MAML3: variants seen among roughly 807,000 people sequenced by gnomAD.
The protein encoded by MAML3 is mastermind like transcriptional coactivator 3, also known as mastermind-like protein 3.
In MAML3, 27 loss-of-function variants were observed where a neutral mutation model predicts 101.9. The observed-to-expected ratio is 0.27, with a 90% confidence interval of 0.20 to 0.37. The LOEUF (loss-of-function observed/expected upper bound fraction) is 0.37. MAML3 is among the 10% of genes least tolerant of loss of function. The pLI is 1.00. For synonymous variants in MAML3, 501 were observed against 555.9 expected, an observed-to-expected ratio of 0.90 and a Z score of 1.39; for missense variants, 1,316 against 1,444.9, an observed-to-expected ratio of 0.91 and a Z score of 1.45.
At chr4:139,964,143 G>A (rs1003502891) in intron 1 of MAML3, among the ~76,000 whole-genome samples, 16 of 152,268 alleles carry the variant, frequency 1.1e-4, no homozygotes, top group South Asian at 4.1e-4. Flanking sequence ...AGACACATAC[G>A]TTTATTGCAG....
At chr4:140,074,237 G>GAAAGAAAGAAAGAA (rs1553973057) in intron 1 of MAML3, among the ~76,000 whole-genome samples, 39 of 130,092 alleles carry the variant, frequency 3.0e-4, no homozygotes, top group African/African-American at 9.9e-4. Context: ...AAGAAAGAAA[G>GAAAGAAAGAAAGAA]AAAGAAAGAA....
chr4:140,006,849 C>T (rs531064170), intron 1 of MAML3, among the ~76,000 whole-genome samples: 34 of 152,168 alleles, frequency 2.2e-4, no homozygotes, highest in Middle Eastern at 3.4e-3. Context: ...AGAGCTTACC[C>T]GCTGCCAGGC....
intron 1 of MAML3, among the ~76,000 whole-genome samples, chr4:140,111,072 A>T (rs755416649): frequency 6.6e-6 from 1 of 152,250 alleles, no homozygotes; most frequent in African/African-American, 2.4e-5. Context: ...ACATTTAACC[A>T]GCTGTCAGCA....
chr4:140,116,628 C>A (rs1728523332), intron 1 of MAML3, among the ~76,000 whole-genome samples: 1 of 152,252 alleles, frequency 6.6e-6, no homozygotes, highest in Admixed American at 6.5e-5. Flanking sequence ...GCCATTCCCT[C>A]CATCCTCCAC....
intron 1 of MAML3, among the ~76,000 whole-genome samples, chr4:140,065,458 G>A (rs1727519748): frequency 6.6e-6 from 1 of 152,146 alleles, no homozygotes; most frequent in Admixed American, 6.5e-5. Flanking sequence ...TGGAAACCAG[G>A]AGCAGCCTTT....
chr4:139,814,146 T>C (rs1730854891), intron 2 of MAML3, among the ~76,000 whole-genome samples: 1 of 151,972 alleles, frequency 6.6e-6, no homozygotes. Context: ...AAGAGAACTG[T>C]GGGTAGGTCT....
chr4:139,745,576 T>C (rs1468577887), intron 2 of MAML3, among the ~76,000 whole-genome samples: 1 of 152,154 alleles, frequency 6.6e-6, no homozygotes, highest in Admixed American at 6.5e-5. Flanking sequence ...CTGGGGTCAT[T>C]TTCCGGTCTG....
At chr4:139,741,229 T>A (rs73854339) in intron 2 of MAML3, among the ~76,000 whole-genome samples, 38,461 of 151,976 alleles carry the variant, frequency 0.25, 5,904 homozygotes, top group African/African-American at 0.44. Context: ...ATGTAAAGAT[T>A]GTGGCTGACG....
chr4:139,876,634 T>C (rs910294345), intron 2 of MAML3, among the ~76,000 whole-genome samples: 1 of 152,246 alleles, frequency 6.6e-6, no homozygotes, highest in South Asian at 2.1e-4. Flanking sequence ...CTCATTCTTA[T>C]TGCACTGATC....
At chr4:139,965,511 T>C (rs1183649948) in intron 1 of MAML3, among the ~76,000 whole-genome samples, 1 of 152,218 alleles carries the variant, frequency 6.6e-6, no homozygotes, top group African/African-American at 2.4e-5. Context: ...TCCTCTCCTA[T>C]ATCTGAACTG....
intron 1 of MAML3, among the ~76,000 whole-genome samples, chr4:139,994,259 G>A (rs1036432973): frequency 1.3e-5 from 2 of 152,166 alleles, no homozygotes; most frequent in African/African-American, 4.8e-5. Context: ...ACAGTTTTCA[G>A]TGTATAAGTC....
At chr4:140,009,236 C>T (rs1231740573) in intron 1 of MAML3, among the ~76,000 whole-genome samples, 1 of 152,162 alleles carries the variant, frequency 6.6e-6, no homozygotes, top group Non-Finnish European at 1.5e-5. Context: ...TGGGAATTGC[C>T]AGGAAGGCAG....
intron 1 of MAML3, among the ~76,000 whole-genome samples, chr4:140,045,857 T>C (rs1261774459): frequency 6.6e-6 from 1 of 152,170 alleles, no homozygotes; most frequent in Non-Finnish European, 1.5e-5. Context: ...GTTCTCCATT[T>C]TATACTTAGA....
chr4:140,040,137 G>A (rs942568526), intron 1 of MAML3, among the ~76,000 whole-genome samples: 3 of 152,106 alleles, frequency 2.0e-5, no homozygotes, highest in Admixed American at 1.3e-4. Flanking sequence ...ACTTATATCT[G>A]GTCTCAGAGA....
chr4:140,101,668 C>T (rs752103066), intron 1 of MAML3, among the ~76,000 whole-genome samples: 7 of 152,032 alleles, frequency 4.6e-5, no homozygotes, highest in Non-Finnish European at 5.9e-5. Flanking sequence ...ATACGTGATA[C>T]CTCTTAGATC....
At chr4:140,078,774 C>T (rs1727818433) in intron 1 of MAML3, among the ~76,000 whole-genome samples, 1 of 152,096 alleles carries the variant, frequency 6.6e-6, no homozygotes, top group Non-Finnish European at 1.5e-5. Flanking sequence ...GGAACTTCTC[C>T]GTGCCGGACT....
chr4:140,127,423 C>CAGAT (rs5862456), intron 1 of MAML3, among the ~76,000 whole-genome samples: 39,450 of 151,828 alleles, frequency 0.26, 5,516 homozygotes, highest in African/African-American at 0.38. Context: ...AAAGGAGTGA[C>CAGAT]AGAAAGTGTG....
intron 1 of MAML3, among the ~76,000 whole-genome samples, chr4:139,934,907 T>C (rs1267151353): frequency 6.6e-6 from 1 of 152,210 alleles, no homozygotes; most frequent in Non-Finnish European, 1.5e-5. Flanking sequence ...TGTTGAATCT[T>C]GTGCCTGGTT....
chr4:139,737,469 G>C (rs892059931), intron 2 of MAML3, among the ~76,000 whole-genome samples: 3 of 152,104 alleles, frequency 2.0e-5, no homozygotes, highest in East Asian at 3.9e-4. Context: ...AAATGGGAAG[G>C]GGGTGGGGAG....
Sources: allele counts gnomAD v4.1 joint callset (sites outside exome capture counted in the v4.1 genomes callset), GRCh38; gene constraint gnomAD v4.1.1; transcripts MANE v1.5; gene names NCBI Gene and HGNC (gene_info 2026-07-23, HGNC 2026-07-21).